FAM149B1: variants seen among roughly 807,000 people sequenced by gnomAD.
FAM149B1 encodes primary cilium assembly protein FAM149B1.
In FAM149B1, 56 loss-of-function variants were observed where a neutral mutation model predicts 75.3. The ratio of observed to expected loss-of-function variants is 0.74; its 90% confidence interval spans 0.60 to 0.93. The LOEUF is 0.93. FAM149B1 is among the 40% of genes least tolerant of loss of function. The pLI is 0.00. For synonymous variants in FAM149B1, 259 were observed against 256.1 expected (o/e 1.01, Z -0.11); for missense variants, 639 against 708.4 (o/e 0.90, Z 1.11).
chr10:73,200,925 G>T, intron 5 of FAM149B1: 1 of 467,614 alleles, frequency 2.1e-6, no homozygotes, highest in South Asian at 1.7e-5. Flanking sequence ...ATGGCGACAT[G>T]GACCAGAAGG....
At chr10:73,218,869 T>TA (rs1231063384) in intron 7 of FAM149B1, among the ~76,000 whole-genome samples, 1 of 152,174 alleles carries the variant, frequency 6.6e-6, no homozygotes, top group Non-Finnish European at 1.5e-5. Flanking sequence ...TCTCTCATCT[T>TA]ACATTTTATT....
Position 73,208,791 on chromosome 10 carries a change from G to A in FAM149B1, c.710+5G>A, listed in dbSNP as rs1410681267. The A allele has an allele frequency of 1.4e-6, 2 of 1,454,750 alleles. No individual in the cohort carries two copies. Among genetic ancestry groups the A allele is most frequent in the Non-Finnish European group, 1.8e-6 (2 of 1,092,214 alleles). The allele number at this position is 1,454,750 out of a possible 1,614,324, so 90.1% of individuals were successfully genotyped here. On this transcript the variant is annotated splice_donor_5th_base_variant and intron_variant, in intron 6 of 13. Coordinates refer to ENST00000242505, the MANE Select transcript of FAM149B1 (RefSeq NM_173348.2). ...AGCATTCGATCACATAGATATGTGA[G>A]TATTATGCCTTTTAAGCTTTTTACT... is the stretch of plus-strand genomic sequence containing the variant.
intron 3 of FAM149B1, 90 bp from the exon 4 acceptor site, chr10:73,192,466 A>G (rs2042707217): frequency 2.3e-6 from 3 of 1,301,182 alleles, no homozygotes; most frequent in Non-Finnish European, 3.2e-6. Flanking sequence ...ATATGTAAAC[A>G]AAACAAGTCT....
chr10:73,230,165 CTGT>C, intron 8 of FAM149B1: 1 of 351,324 alleles, frequency 2.8e-6, no homozygotes, highest in Non-Finnish European at 5.4e-6. Context: ...TGTAAGAGGG[CTGT>C]TAATTGTTTT....
In FAM149B1 at chr10:73,242,359, C is replaced by A. The variant is rs898858607; in HGVS notation, c.*1340C>A. ...GAAAATCTCTATTGTTCTCACAAAC[C>A]ATTACCATGAGTTCACTATAACAAC... On this transcript the variant is annotated 3_prime_UTR_variant, in exon 14 of 14. Coordinates refer to ENST00000242505, the MANE Select transcript of FAM149B1 (RefSeq NM_173348.2). The A allele has an allele frequency of 6.6e-6, 1 of 152,140 alleles. No individual in the cohort carries two copies. The highest frequency in any genetic ancestry group is 2.4e-5 in the African/African-American group (1 of 41,422). The allele number at this position is 152,140 out of a possible 1,614,324, so 9.4% of individuals were successfully genotyped here.
chr10:73,238,325 C>T (rs552406391), intron 12 of FAM149B1, among the ~76,000 whole-genome samples: 30 of 152,228 alleles, frequency 2.0e-4, no homozygotes, highest in Non-Finnish European at 3.8e-4. Flanking sequence ...CCAACCTGGG[C>T]GACAGAGCGA....
intron 1 of FAM149B1, among the ~76,000 whole-genome samples, chr10:73,170,588 C>A (rs1370244677): frequency 6.6e-6 from 1 of 152,122 alleles, no homozygotes; most frequent in African/African-American, 2.4e-5. Flanking sequence ...ATGGTATTTT[C>A]CTTGTCCCTT....
At chr10:73,178,881 C>T (rs1844087590) in intron 3 of FAM149B1, among the ~76,000 whole-genome samples, 1 of 152,130 alleles carries the variant, frequency 6.6e-6, no homozygotes, top group African/African-American at 2.4e-5. Context: ...TTTTAAAAGA[C>T]CAACAACTCT....
chr10:73,213,968 ATG>A (rs2043244215), intron 7 of FAM149B1, among the ~76,000 whole-genome samples: 1 of 152,070 alleles, frequency 6.6e-6, no homozygotes, highest in Non-Finnish European at 1.5e-5. Context: ...ATGTTTTTCC[ATG>A]TGTTTGTATC....
In FAM149B1 at chr10:73,187,495, CG is replaced by C. The variant is rs564416420; in HGVS notation, c.283-5060del. Reference sequence around the variant, plus strand: ...CTGTAATCCCAGCACTTTGGGAGGCCGAGGTGGGCGGATCACCTGAGGTCTG... The same window carrying C: ...CTGTAATCCCAGCACTTTGGGAGGCCAGGTGGGCGGATCACCTGAGGTCTG... On this transcript the variant is annotated intron_variant, in intron 3 of 13. Coordinates refer to ENST00000242505, the MANE Select transcript of FAM149B1 (RefSeq NM_173348.2). Among the ~76,000 whole-genome samples, 5 of 151,676 alleles carry C rather than the reference CG, an allele frequency of 3.3e-5. No individual in the cohort carries two copies. In the South Asian group the frequency reaches 1.0e-3, roughly 32 times the overall value.
At chr10:73,195,619 G>T (rs994869640) in intron 5 of FAM149B1, among the ~76,000 whole-genome samples, 1 of 152,138 alleles carries the variant, frequency 6.6e-6, no homozygotes, top group Non-Finnish European at 1.5e-5. Flanking sequence ...AAGGAAATAA[G>T]AAATCAAGTC....
At chr10:73,183,641 T>A (rs2042453484) in intron 3 of FAM149B1, 1 of 152,192 alleles carries the variant, frequency 6.6e-6, no homozygotes, top group Non-Finnish European at 1.5e-5. Flanking sequence ...AATAAATAGC[T>A]CGGCAAATCC....
intron 10 of FAM149B1, among the ~76,000 whole-genome samples, 188 bp downstream of exon 10, chr10:73,233,351 A>G (rs1001633383): frequency 6.6e-6 from 1 of 151,994 alleles, no homozygotes; most frequent in African/African-American, 2.4e-5. Context: ...ATTTTATTTT[A>G]TTTTTTTAGA....
At chr10:73,213,001 A>G (rs531352433) in intron 7 of FAM149B1, among the ~76,000 whole-genome samples, 5 of 152,022 alleles carry the variant, frequency 3.3e-5, no homozygotes, top group Admixed American at 6.6e-5. Context: ...CACCACCACG[A>G]CTGGCTAATC....
At chr10:73,216,327 G>C (rs957125307) in intron 7 of FAM149B1, among the ~76,000 whole-genome samples, 1 of 152,010 alleles carries the variant, frequency 6.6e-6, no homozygotes. Context: ...CATATAGTTG[G>C]ATTATTTTTT....
At chr10:73,191,077 G>A (rs539544959) in intron 3 of FAM149B1, among the ~76,000 whole-genome samples, 110 of 152,218 alleles carry the variant, frequency 7.2e-4, no homozygotes, top group Non-Finnish European at 1.3e-3. Flanking sequence ...TTTTGCTTTT[G>A]TTGCCCAGGC....
chr10:73,184,622 A>G (rs1324818838), intron 3 of FAM149B1, among the ~76,000 whole-genome samples: 1 of 152,240 alleles, frequency 6.6e-6, no homozygotes, highest in African/African-American at 2.4e-5. Context: ...AACAACATAC[A>G]GTTGGGATAT....
At position 73,242,062 on chromosome 10, in the gene FAM149B1, T is replaced by C. The variant is rs1287928790; in HGVS notation, c.*1043T>C. The C allele has an allele frequency of 6.6e-6, 1 of 152,228 alleles. No individual in the cohort carries two copies. The highest frequency in any genetic ancestry group is 1.5e-5 in the Non-Finnish European group (1 of 68,044). The allele number at this position is 152,228 out of a possible 1,614,324, so 9.4% of individuals were successfully genotyped here. ...CAGAATGGATAAATTCAAATAATCA[T>C]AAATTACGGTAACTTTTTATTATAC... On this transcript the variant is annotated 3_prime_UTR_variant, in exon 14 of 14. Coordinates refer to ENST00000242505, the MANE Select transcript of FAM149B1 (RefSeq NM_173348.2).
intron 12 of FAM149B1, chr10:73,239,076 C>T (rs956219760): frequency 4.0e-5 from 17 of 428,876 alleles, no homozygotes; most frequent in South Asian, 8.6e-5. Context: ...ATTTCCTTAA[C>T]GGCATAGTAA....
Sources: allele counts gnomAD v4.1 joint callset (sites outside exome capture counted in the v4.1 genomes callset), GRCh38; gene constraint gnomAD v4.1.1; transcripts MANE v1.5; gene names NCBI Gene and HGNC (gene_info 2026-07-23, HGNC 2026-07-21).